Variants in BICD1 observed in about 807,000 individuals in gnomAD.
BICD1 encodes protein bicaudal D homolog 1.
In BICD1, 35 loss-of-function variants were observed where a neutral mutation model predicts 92.5. The ratio of observed to expected loss-of-function variants is 0.38; its 90% CI spans 0.29 to 0.50. The LOEUF (loss-of-function observed/expected upper bound fraction) is 0.50, where lower values mean the gene tolerates loss of function less well. Ranked by LOEUF, BICD1 falls within the 20% of genes least tolerant of loss-of-function variation. BICD1 has a pLI of 0.93. For synonymous variants in BICD1, 429 were observed against 465.1 expected (o/e 0.92, Z 1.00); for missense variants, 950 against 1,189.8 (o/e 0.80, Z 2.97).
At chr12:32,270,989 T>C (rs1438328757) in intron 2 of BICD1, among the ~76,000 whole-genome samples, 1 of 152,172 alleles carries the variant, frequency 6.6e-6, no homozygotes, top group Non-Finnish European at 1.5e-5. Flanking sequence ...GAAGCCACCA[T>C]GCGCTGTCCT....
At chr12:32,109,456 A>AG (rs993094937) in intron 1 of BICD1, 8 of 152,160 alleles carry the variant, frequency 5.3e-5, no homozygotes, top group Non-Finnish European at 1.2e-4. Flanking sequence ...TGTGAAAAAA[A>AG]CGTTTTGTAG....
Position 32,305,687 on chromosome 12 carries a change from T to C in BICD1, c.580-10T>C. The C allele has an allele frequency of 7.5e-6, 12 of 1,595,584 alleles. No homozygotes were observed. The highest frequency in any genetic ancestry group is 1.0e-5 in the Non-Finnish European group (12 of 1,172,136). Reference sequence around the variant, plus strand: ...AGTTTTATGAATCTTCTTTATCCTGTCTGATTCAGGTTGAATACGAAGGCT... The same window carrying C: ...AGTTTTATGAATCTTCTTTATCCTGCCTGATTCAGGTTGAATACGAAGGCT... On this transcript the variant is annotated splice_polypyrimidine_tract_variant and intron_variant, in intron 3 of 9. Transcript: ENST00000652176.
rs542615904 is a variant in BICD1, at chr12:32,173,286, G to A, written c.214-42961G>A. ...GCTGGTCTCAAACTCCCGAGCTCAG[G>A]CAATCCGCCCGCCTCGGCCTCCCAA... On this transcript the variant is annotated intron_variant, in intron 1 of 9. Coordinates refer to ENST00000652176, the MANE Select transcript of BICD1 (RefSeq NM_001714.4). Among the ~76,000 whole-genome samples the A allele has an allele frequency of 2.6e-4, 39 of 152,198 alleles. No individual in the cohort carries two copies. The East Asian group carries it at 7.4e-3, about 29-fold the overall frequency.
intron 1 of BICD1, among the ~76,000 whole-genome samples, chr12:32,203,680 C>A (rs1461332454): frequency 1.3e-5 from 2 of 152,106 alleles, no homozygotes; most frequent in Admixed American, 1.3e-4. Context: ...TTTTTAGAAA[C>A]GGTAGTGGTT....
chr12:32,170,186 A>G (rs1040246619), intron 1 of BICD1, among the ~76,000 whole-genome samples: 2 of 152,192 alleles, frequency 1.3e-5, no homozygotes, highest in African/African-American at 2.4e-5. Context: ...GCTCAGTTTC[A>G]TGCTCTGAAA....
chr12:32,272,503 T>C (rs1947168174), intron 2 of BICD1, among the ~76,000 whole-genome samples: 1 of 152,178 alleles, frequency 6.6e-6, no homozygotes, highest in African/African-American at 2.4e-5. Flanking sequence ...GGTGCTAGGG[T>C]GATTACCCTT....
At chr12:32,159,475 AG>A (rs1943537418) in intron 1 of BICD1, among the ~76,000 whole-genome samples, 1 of 152,180 alleles carries the variant, frequency 6.6e-6, no homozygotes, top group African/African-American at 2.4e-5. Context: ...GACCCCTTTC[AG>A]GCATCACTAT....
chr12:32,262,671 C>G (rs1473717125), intron 2 of BICD1, among the ~76,000 whole-genome samples: 2 of 152,152 alleles, frequency 1.3e-5, no homozygotes, highest in Non-Finnish European at 1.5e-5. Context: ...TAAGAGACAG[C>G]AAAGGAGAAG....
At chr12:32,220,457 A>G (rs1263590469) in intron 2 of BICD1, among the ~76,000 whole-genome samples, 3 of 152,226 alleles carry the variant, frequency 2.0e-5, no homozygotes, top group East Asian at 1.9e-4. Context: ...ACTTCTCAGA[A>G]GAAGACATTT....
intron 1 of BICD1, among the ~76,000 whole-genome samples, chr12:32,110,232 G>A (rs1347858086): frequency 6.6e-6 from 1 of 152,156 alleles, no homozygotes; most frequent in Admixed American, 6.5e-5. Context: ...ATGCAAGTCG[G>A]CAGTGTTGCC....
At chr12:32,248,060 G>T (rs2136098406) in intron 2 of BICD1, among the ~76,000 whole-genome samples, 1 of 152,200 alleles carries the variant, frequency 6.6e-6, no homozygotes, top group South Asian at 2.1e-4. Flanking sequence ...TCCAGCCTGA[G>T]TGACAGAGCG....
In BICD1 at chr12:32,323,605, T is replaced by A. The variant is rs118135367; in HGVS notation, c.1006-3856T>A. 1.1e-4 allele frequency among the ~76,000 whole-genome samples: 16 copies of A among 152,370 alleles called. No individual in the cohort carries two copies. In the East Asian group the frequency reaches 3.1e-3, roughly 29 times the overall value. ...ATTTGGTTTCTGCAGCCATAATATA[T>A]AATTTGTGGGTTGCTTTCCTTTCAT... On this transcript the variant is annotated intron_variant, in intron 4 of 9. Transcript: ENST00000652176.
At chr12:32,271,425 C>G (rs1947139013) in intron 2 of BICD1, among the ~76,000 whole-genome samples, 1 of 152,180 alleles carries the variant, frequency 6.6e-6, no homozygotes, top group Non-Finnish European at 1.5e-5. Flanking sequence ...AGACCATGAC[C>G]TTAATTACTG....
chr12:32,365,678 G>A (rs1939503019), intron 8 of BICD1, among the ~76,000 whole-genome samples: 1 of 152,158 alleles, frequency 6.6e-6, no homozygotes, highest in African/African-American at 2.4e-5. Context: ...TGACTTAACT[G>A]CCTGTCTGGT....
intron 3 of BICD1, among the ~76,000 whole-genome samples, chr12:32,296,251 TTTTTG>T (rs566363432): frequency 0.083 from 3,793 of 45,616 alleles, 180 homozygotes; most frequent in African/African-American, 0.15. Flanking sequence ...AAGGGGTTTT[TTTTTG>T]TTTTTTTTTT....
chr12:32,126,295 C>T (rs75832188), intron 1 of BICD1, among the ~76,000 whole-genome samples: 1 of 152,154 alleles, frequency 6.6e-6, no homozygotes, highest in East Asian at 1.9e-4. Flanking sequence ...CACCAATGGG[C>T]TCTCACCACG....
At chr12:32,151,167 T>C (rs1054917821) in intron 1 of BICD1, among the ~76,000 whole-genome samples, 1 of 152,224 alleles carries the variant, frequency 6.6e-6, no homozygotes, top group African/African-American at 2.4e-5. Context: ...GAAATTTCTA[T>C]ACAAAGCTGG....
At chr12:32,118,898 A>G (rs1942045900) in intron 1 of BICD1, among the ~76,000 whole-genome samples, 1 of 152,250 alleles carries the variant, frequency 6.6e-6, no homozygotes, top group South Asian at 2.1e-4. Flanking sequence ...AGCGTTGAAC[A>G]AGACAGACCC....
At chr12:32,307,658 G>A (rs541178653) in intron 4 of BICD1, among the ~76,000 whole-genome samples, 3 of 152,314 alleles carry the variant, frequency 2.0e-5, no homozygotes, top group African/African-American at 7.2e-5. Context: ...AATGATGACT[G>A]GAAAAGTGAA....
Sources: allele counts gnomAD v4.1 joint callset (sites outside exome capture counted in the v4.1 genomes callset), GRCh38; gene constraint gnomAD v4.1.1; transcripts MANE v1.5; gene names NCBI Gene and HGNC (gene_info 2026-07-23, HGNC 2026-07-21).